The following MEF2A variants were observed in gnomAD, a reference collection of about 807,000 sequenced individuals.
The protein encoded by MEF2A is myocyte enhancer factor 2A.
In MEF2A, 28 loss-of-function variants were observed where a neutral mutation model predicts 55.8. The observed-to-expected ratio is 0.50, with a 90% CI of 0.37 to 0.69. MEF2A has a LOEUF of 0.69. Ranked by LOEUF, MEF2A falls within the 30% of genes least tolerant of loss-of-function variation. The pLI is 0.00. For synonymous variants in MEF2A, 239 were observed against 227.1 expected (o/e 1.05, Z -0.47); for missense variants, 528 against 626.2 (o/e 0.84, Z 1.67).
At chr15:99,674,297 A>T in intron 5 of MEF2A, 96 bp from the exon 6 acceptor site, 1 of 1,092,716 alleles carries the variant, frequency 9.2e-7, no homozygotes, top group Non-Finnish European at 1.3e-6. Context: ...CTCTACTTTT[A>T]GTAACTTGAG....
At chr15:99,655,789 A>G (rs2047609304) in intron 4 of MEF2A, among the ~76,000 whole-genome samples, 1 of 152,094 alleles carries the variant, frequency 6.6e-6, no homozygotes, top group Non-Finnish European at 1.5e-5. Flanking sequence ...AATTTGCATA[A>G]TTGTAAAACA....
chr15:99,600,144 C>G (rs1275884193), intron 2 of MEF2A, among the ~76,000 whole-genome samples: 2 of 152,092 alleles, frequency 1.3e-5, no homozygotes, highest in African/African-American at 4.8e-5. Flanking sequence ...GCACTCATGC[C>G]CTTAGCTGAG....
intron 1 of MEF2A, among the ~76,000 whole-genome samples, chr15:99,593,432 G>C (rs1970037261): frequency 6.6e-6 from 1 of 152,128 alleles, no homozygotes. Context: ...GGGAGAGCAT[G>C]TCCGATACCA....
At chr15:99,645,490 T>C in intron 3 of MEF2A, 71 bp from the exon 4 acceptor site, 1 of 1,134,474 alleles carries the variant, frequency 8.8e-7, no homozygotes, top group Non-Finnish European at 1.3e-6. Flanking sequence ...AGAAGAAGAT[T>C]CATCTTCAGA....
chr15:99,596,321 A>AT (rs560150939), intron 1 of MEF2A, among the ~76,000 whole-genome samples: 9 of 151,502 alleles, frequency 5.9e-5, no homozygotes, highest in Non-Finnish European at 1.0e-4. Flanking sequence ...AATTTGAGGA[A>AT]TTTTTTTCTG....
rs1596671807 is a variant in MEF2A at position 99,638,067 on chromosome 15, T to C, written c.54+4894T>C. Among the ~76,000 whole-genome samples the C allele has an allele frequency of 2.0e-5, 3 of 152,338 alleles. No homozygotes were observed. In the South Asian group the frequency reaches 6.2e-4, roughly 32 times the overall value. On this transcript the variant is annotated intron_variant, in intron 3 of 11. Transcript: ENST00000557942. Reference sequence around the variant, plus strand: ...TGTGCTTATTGGACATTTGTATATCTTCCTTGGAAAAATGTCTATTCAAAT... The same window carrying C: ...TGTGCTTATTGGACATTTGTATATCCTCCTTGGAAAAATGTCTATTCAAAT...
chr15:99,693,820 G>A (rs185518273), intron 8 of MEF2A, among the ~76,000 whole-genome samples: 70 of 152,312 alleles, frequency 4.6e-4, no homozygotes, highest in African/African-American at 1.6e-3. Flanking sequence ...TGGAATAAAT[G>A]AAGATAAAAT....
At position 99,604,923 on chromosome 15, in the gene MEF2A, A is replaced by T. The variant is rs142967453; in HGVS notation, c.-143+6412A>T. Among the ~76,000 whole-genome samples, 518 of 152,284 alleles carry T rather than the reference A, an allele frequency of 3.4e-3. 5 individuals are homozygous for T. Among genetic ancestry groups the T allele is most frequent in the African/African-American group, 0.012 (478 of 41,548 alleles). ...TATTCTCAATTCAAAGTAATCCCAA[A>T]CAATATTCCAAAAATTTTGTTAGTT... On this transcript the variant is annotated intron_variant, in intron 2 of 11. Transcript: ENST00000557942.
intron 10 of MEF2A, among the ~76,000 whole-genome samples, chr15:99,709,015 A>G (rs2058339431): frequency 6.6e-6 from 1 of 152,186 alleles, no homozygotes; most frequent in African/African-American, 2.4e-5. Context: ...AAACTTTTGA[A>G]GTAGAGGAGT....
chr15:99,706,465 G>A, intron 9 of MEF2A: 1 of 419,194 alleles, frequency 2.4e-6, no homozygotes, highest in Middle Eastern at 7.2e-4. Context: ...AAATAGAAGT[G>A]CTAATGCCTG....
chr15:99,611,763 A>T (rs1270269135), intron 2 of MEF2A, among the ~76,000 whole-genome samples: 1 of 152,248 alleles, frequency 6.6e-6, no homozygotes, highest in Non-Finnish European at 1.5e-5. Flanking sequence ...AAGTGGAATC[A>T]ACTCAGATGT....
chr15:99,663,128 G>A (rs1307239095), intron 4 of MEF2A, among the ~76,000 whole-genome samples: 1 of 151,898 alleles, frequency 6.6e-6, no homozygotes, highest in East Asian at 1.9e-4. Flanking sequence ...GCAGGCATGG[G>A]CTCTAGCAGA....
intron 8 of MEF2A, among the ~76,000 whole-genome samples, chr15:99,695,814 A>T (rs2056383524): frequency 6.6e-6 from 1 of 151,552 alleles, no homozygotes. Flanking sequence ...AGCCAAGATC[A>T]TGCTATTGCG....
chr15:99,626,168 CAA>C (rs2042017697), intron 2 of MEF2A, among the ~76,000 whole-genome samples: 1 of 152,048 alleles, frequency 6.6e-6, no homozygotes, highest in African/African-American at 2.4e-5. Context: ...TGTTTCTTTG[CAA>C]TTCAGTCTTG....
At chr15:99,572,618 G>A (rs1307098631) in intron 1 of MEF2A, among the ~76,000 whole-genome samples, 1 of 152,200 alleles carries the variant, frequency 6.6e-6, no homozygotes, top group Non-Finnish European at 1.5e-5. Context: ...TGATGCTTCT[G>A]TATCTTTGTT....
intron 8 of MEF2A, among the ~76,000 whole-genome samples, chr15:99,698,660 C>T (rs1317953784): frequency 5.9e-5 from 9 of 151,848 alleles, no homozygotes; most frequent in Non-Finnish European, 1.0e-4. Flanking sequence ...GGGGTGGTGG[C>T]GCATGCCTGT....
intron 6 of MEF2A, among the ~76,000 whole-genome samples, 169 bp downstream of exon 6, chr15:99,674,781 G>A (rs933170306): frequency 1.3e-5 from 2 of 152,132 alleles, no homozygotes; most frequent in Non-Finnish European, 2.9e-5. Flanking sequence ...TCAATTGTGG[G>A]TGTAGCATTG....
chr15:99,594,045 A>G (rs1970294925), intron 1 of MEF2A, among the ~76,000 whole-genome samples: 1 of 152,162 alleles, frequency 6.6e-6, no homozygotes. Flanking sequence ...AGTGGACACC[A>G]GCTGGATTTC....
At chr15:99,678,432 T>C (rs1307491316) in intron 7 of MEF2A, among the ~76,000 whole-genome samples, 1 of 152,244 alleles carries the variant, frequency 6.6e-6, no homozygotes, top group African/African-American at 2.4e-5. Context: ...GTTTTATCTG[T>C]ATATATGTCA....
Sources: allele counts gnomAD v4.1 joint callset (sites outside exome capture counted in the v4.1 genomes callset), GRCh38; gene constraint gnomAD v4.1.1; transcripts MANE v1.5; gene names NCBI Gene and HGNC (gene_info 2026-07-23, HGNC 2026-07-21).